Variants in SLC25A20 observed in about 807,000 individuals in gnomAD.
SLC25A20 encodes the protein solute carrier family 25 member 20, also known as mitochondrial carnitine/acylcarnitine carrier protein.
SLC25A20 carries 29 observed loss-of-function variants against 39.7 expected under a neutral mutation model. The ratio of observed to expected loss-of-function variants is 0.73; its 90% CI spans 0.54 to 1.00. The LOEUF (loss-of-function observed/expected upper bound fraction) is 1.00, where lower values mean the gene tolerates loss of function less well. SLC25A20 is among the 50% of genes least tolerant of loss of function. SLC25A20 has a pLI of 0.00. For missense variants in SLC25A20, 333 were observed against 379.9 expected (o/e 0.88, Z 1.03); for synonymous variants, 103 against 142.2 (o/e 0.72, Z 1.96).
At chr3:48,882,870 CAAAG>C (rs1476310809) in intron 3 of SLC25A20, among the ~76,000 whole-genome samples, 3 of 151,920 alleles carry the variant, frequency 2.0e-5, no homozygotes, top group Non-Finnish European at 4.4e-5. Context: ...GCCTGGGTGA[CAAAG>C]AAAGACCCCA....
At chr3:48,876,838 GTA>G (rs2083761616) in intron 4 of SLC25A20, among the ~76,000 whole-genome samples, 1 of 151,934 alleles carries the variant, frequency 6.6e-6, no homozygotes, top group Non-Finnish European at 1.5e-5. Context: ...GATCATGCCT[GTA>G]TCCCCAGCAC....
intron 4 of SLC25A20, among the ~76,000 whole-genome samples, chr3:48,871,066 T>C (rs556143523): frequency 2.6e-5 from 4 of 152,122 alleles, no homozygotes; most frequent in Non-Finnish European, 5.9e-5. Flanking sequence ...CCTCATGTGA[T>C]CCACCTGCCT....
Position 48,880,765 on chromosome 3 carries a change from G to A in SLC25A20, c.327-1317C>T, listed in dbSNP as rs548920696. On this transcript the variant is annotated intron_variant, in intron 3 of 8. Coordinates refer to ENST00000319017, the MANE Select transcript of SLC25A20 (RefSeq NM_000387.6). The stretch of plus-strand genomic sequence containing the variant: ...TGCATTTTTGTAGAGACAGAGTTTC[G>A]CCATGTTGCCCAGGTTGGTCTCAAA... 1.6e-4 allele frequency among the ~76,000 whole-genome samples: 24 copies of A among 151,252 alleles called. No homozygotes were observed. In the South Asian group the frequency reaches 2.5e-3, roughly 16 times the overall value.
intron 1 of SLC25A20, 133 bp downstream of exon 1, chr3:48,898,557 G>T: frequency 3.4e-6 from 3 of 893,364 alleles, no homozygotes; most frequent in Non-Finnish European, 5.4e-6. Context: ...CCCTGAAAGA[G>T]AGATTCCCTA....
At chr3:48,893,513 GT>G (rs2083892024) in intron 1 of SLC25A20, among the ~76,000 whole-genome samples, 1 of 151,966 alleles carries the variant, frequency 6.6e-6, no homozygotes, top group Non-Finnish European at 1.5e-5. Flanking sequence ...TTCAGCTTGG[GT>G]AAAAGAGCAA....
At chr3:48,864,595 C>T (rs1214153420) in intron 4 of SLC25A20, among the ~76,000 whole-genome samples, 2 of 149,560 alleles carry the variant, frequency 1.3e-5, no homozygotes, top group African/African-American at 2.5e-5. Context: ...CCCAAAGTAT[C>T]CAGACATATG....
chr3:48,868,424 G>C (rs991277241), intron 4 of SLC25A20, among the ~76,000 whole-genome samples: 1 of 152,164 alleles, frequency 6.6e-6, no homozygotes, highest in African/African-American at 2.4e-5. Flanking sequence ...CTTCTGGGAA[G>C]ATGGAGTAGA....
At chr3:48,857,865 A>G in intron 8 of SLC25A20, 93 bp from the exon 9 acceptor site, 1 of 1,161,646 alleles carries the variant, frequency 8.6e-7, no homozygotes. Flanking sequence ...TGTCAGGACC[A>G]GAGCCCCTCC....
At chr3:48,863,787 C>A (rs1166000691) in intron 4 of SLC25A20, among the ~76,000 whole-genome samples, 6 of 151,572 alleles carry the variant, frequency 4.0e-5, no homozygotes, top group African/African-American at 7.3e-5. Context: ...GAGGCTGAGG[C>A]GGGCAGATCA....
At chr3:48,883,899 C>T in intron 3 of SLC25A20, 98 bp downstream of exon 3, 1 of 1,442,938 alleles carries the variant, frequency 6.9e-7, no homozygotes, top group East Asian at 2.4e-5. Context: ...GCTAGGATTA[C>T]AGGTATGAGC....
intron 3 of SLC25A20, among the ~76,000 whole-genome samples, chr3:48,883,456 C>G (rs1484409072): frequency 2.0e-5 from 3 of 151,248 alleles, no homozygotes; most frequent in Non-Finnish European, 2.9e-5. Flanking sequence ...GAGGCTAAGA[C>G]AGGAGAATTG....
intron 4 of SLC25A20, among the ~76,000 whole-genome samples, chr3:48,866,250 C>G (rs2083667868): frequency 6.6e-6 from 1 of 151,610 alleles, no homozygotes; most frequent in South Asian, 2.1e-4. Context: ...CTGGAAATGG[C>G]AGGTATAAAA....
At position 48,889,928 on chromosome 3, in the gene SLC25A20, A is replaced by ATCAC. The variant is rs2083860936; in HGVS notation, c.198+2051_198+2052insGTGA. On this transcript the variant is annotated intron_variant, in intron 2 of 8. Transcript: ENST00000319017. ...GAAGTGACCAAGAAGGCAAGAGGTG[A>ATCAC]GCCCTCTGTCACGCCCGCATAAGGG... is the stretch of plus-strand genomic sequence containing the variant. 5.3e-5 allele frequency among the ~76,000 whole-genome samples: 8 copies of ATCAC among 152,202 alleles called. No homozygotes were observed. The South Asian group carries it at 1.4e-3, about 28-fold the overall frequency.
At chr3:48,888,388 G>A (rs1024531255) in intron 2 of SLC25A20, among the ~76,000 whole-genome samples, 2 of 149,474 alleles carry the variant, frequency 1.3e-5, no homozygotes, top group Non-Finnish European at 3.0e-5. Flanking sequence ...TGGCCAACAT[G>A]GTAAAACCCC....
At chr3:48,890,651 C>CTTTTTTT (rs71077750) in intron 2 of SLC25A20, among the ~76,000 whole-genome samples, 1 of 78,130 alleles carries the variant, frequency 1.3e-5, no homozygotes, top group Non-Finnish European at 2.3e-5. Flanking sequence ...GCCCCCTTGT[C>CTTTTTTT]TTTTTTTTTT....
Position 48,862,588 on chromosome 3 carries a change from A to C in SLC25A20, c.489T>G (p.Phe163Leu). Residue 163 changes from phenylalanine (F) to leucine (L), a missense_variant, in exon 5 of 9, where the codon TTT becomes TTG. Physicochemically the swap from Phe to Leu is conservative, Grantham distance 22. Coordinates refer to ENST00000319017, the MANE Select transcript of SLC25A20 (RefSeq NM_000387.6). ...LDCAKKLYQE[F>L]GIRGIYKGTV... ...TCCCTTTGTAGATGCCTCGGATCCC[A>C]AACTCCTGGTACAGCTTCTTTGCAC... The C allele has an allele frequency of 6.2e-7, 1 of 1,614,112 alleles. No homozygotes were observed. The highest frequency in any genetic ancestry group is 8.5e-7 in the Non-Finnish European group (1 of 1,179,980).
At chr3:48,869,008 A>T (rs2083691970) in intron 4 of SLC25A20, among the ~76,000 whole-genome samples, 1 of 152,178 alleles carries the variant, frequency 6.6e-6, no homozygotes, top group African/African-American at 2.4e-5. Flanking sequence ...GACACACTGG[A>T]ACTCCCACAC....
chr3:48,863,518 G>A lies in SLC25A20; in HGVS notation c.418-859C>T, dbSNP rs572417207. On this transcript the variant is annotated intron_variant, in intron 4 of 8. Transcript: ENST00000319017. ...CTGGGGGTAGGCAGGGGTAATCCCA[G>A]GAAAGATCTGAAAGACAGCTCCATG... Among the ~76,000 whole-genome samples, 16 of 152,282 alleles carry A rather than the reference G, an allele frequency of 1.1e-4. No homozygotes were observed. The South Asian group carries it at 3.3e-3, about 32-fold the overall frequency.
chr3:48,891,144 C>T (rs1268119614), intron 2 of SLC25A20, among the ~76,000 whole-genome samples: 3 of 151,362 alleles, frequency 2.0e-5, no homozygotes, highest in African/African-American at 7.3e-5. Flanking sequence ...AGGGCTGGAC[C>T]CTACACTGCA....
Sources: allele counts gnomAD v4.1 joint callset (sites outside exome capture counted in the v4.1 genomes callset), GRCh38; gene constraint gnomAD v4.1.1; transcripts MANE v1.5; gene names NCBI Gene and HGNC (gene_info 2026-07-23, HGNC 2026-07-21).